Variants in TSNARE1 observed in about 807,000 individuals in gnomAD.
The protein encoded by TSNARE1 is t-SNARE domain-containing protein 1.
TSNARE1 carries 49 observed loss-of-function variants against 62.0 expected under a neutral mutation model. The observed-to-expected ratio is 0.79, with a 90% CI of 0.63 to 1.00. The LOEUF (loss-of-function observed/expected upper bound fraction) is 1.00. Among genes scored for constraint, TSNARE1 ranks in the 50% least tolerant of loss-of-function variants. The pLI is 0.00. For synonymous variants in TSNARE1, 328 were observed against 294.4 expected, an observed-to-expected ratio of 1.11 and a Z score of -1.17; for missense variants, 755 against 700.1, an observed-to-expected ratio of 1.08 and a Z score of -0.88.
chr8:142,298,458 G>A (rs1446247492), intron 10 of TSNARE1, among the ~76,000 whole-genome samples: 4 of 152,116 alleles, frequency 2.6e-5, no homozygotes, highest in Non-Finnish European at 4.4e-5. Context: ...GGACTCCCAG[G>A]CCAGGACAGT....
chr8:142,254,560 C>T (rs967718087), intron 12 of TSNARE1, among the ~76,000 whole-genome samples: 3 of 152,198 alleles, frequency 2.0e-5, no homozygotes, highest in African/African-American at 7.2e-5. Flanking sequence ...CTTCCCTGAG[C>T]GGCCCCTTCT....
intron 1 of TSNARE1, among the ~76,000 whole-genome samples, chr8:142,363,328 G>C (rs1388428897): frequency 1.3e-5 from 2 of 152,168 alleles, no homozygotes; most frequent in Non-Finnish European, 2.9e-5. Context: ...ATGTCATACA[G>C]ATCCATCACC....
chr8:142,261,109 CAGGGAAGGAGAGAGAG>C, intron 12 of TSNARE1, among the ~76,000 whole-genome samples: 1 of 15,356 alleles, frequency 6.5e-5, no homozygotes, highest in Non-Finnish European at 1.2e-4. Flanking sequence ...AGAGGGGGAG[CAGGGAAGGAGAGAGAG>C]AGGAGGGAGG....
intron 9 of TSNARE1, among the ~76,000 whole-genome samples, chr8:142,303,812 G>A (rs1231568197): frequency 2.0e-5 from 3 of 152,172 alleles, no homozygotes; most frequent in Non-Finnish European, 4.4e-5. Context: ...AGGACCAACA[G>A]CCACAGCAAC....
At chr8:142,234,474 T>C (rs1817299164) in intron 12 of TSNARE1, among the ~76,000 whole-genome samples, 1 of 151,566 alleles carries the variant, frequency 6.6e-6, no homozygotes, top group Non-Finnish European at 1.5e-5. Flanking sequence ...CAACCATGGG[T>C]TCAGGGAAAG....
At chr8:142,390,426 C>T (rs1236807630) in intron 1 of TSNARE1, among the ~76,000 whole-genome samples, 3 of 76,558 alleles carry the variant, frequency 3.9e-5, no homozygotes, top group South Asian at 6.5e-4. Flanking sequence ...CGGGGGACTC[C>T]GTAACAGAAG....
At chr8:142,383,628 G>C (rs1464723048) in intron 1 of TSNARE1, among the ~76,000 whole-genome samples, 1 of 152,198 alleles carries the variant, frequency 6.6e-6, no homozygotes, top group African/African-American at 2.4e-5. Flanking sequence ...GTCACGGCAG[G>C]GGGCAGGAGT....
chr8:142,222,745 C>T (rs1586765353), intron 13 of TSNARE1, among the ~76,000 whole-genome samples: 1 of 131,248 alleles, frequency 7.6e-6, no homozygotes, highest in Non-Finnish European at 1.6e-5. Context: ...CTCACTCACT[C>T]ACTCATCCAC....
chr8:142,248,980 A>T (rs1184071843), intron 12 of TSNARE1, among the ~76,000 whole-genome samples: 1 of 152,220 alleles, frequency 6.6e-6, no homozygotes, highest in Admixed American at 6.5e-5. Context: ...CTTTGGAGGT[A>T]GCCAGCCCTG....
chr8:142,368,372 T>C (rs887089182), intron 1 of TSNARE1, among the ~76,000 whole-genome samples: 12 of 152,088 alleles, frequency 7.9e-5, no homozygotes, highest in African/African-American at 2.7e-4. Context: ...ACTAGAGAAG[T>C]GAAATTTATA....
At chr8:142,317,137 T>G (rs1828652703) in intron 7 of TSNARE1, among the ~76,000 whole-genome samples, 1 of 151,136 alleles carries the variant, frequency 6.6e-6, no homozygotes, top group Non-Finnish European at 1.5e-5. Context: ...TGGCTCACAC[T>G]GTACGCATGA....
chr8:142,246,549 TA>T (rs1156860246), intron 12 of TSNARE1, among the ~76,000 whole-genome samples: 1 of 151,986 alleles, frequency 6.6e-6, no homozygotes, highest in African/African-American at 2.4e-5. Flanking sequence ...CTGGACTGCT[TA>T]AAAGGTTGGG....
chr8:142,221,835 A>T (rs201091116), intron 13 of TSNARE1, among the ~76,000 whole-genome samples: 718 of 11,748 alleles, frequency 0.061, 14 homozygotes, highest in Non-Finnish European at 0.069. Flanking sequence ...TCACTCACTC[A>T]TCCACTCATT....
At chr8:142,356,806 C>G (rs1306940585) in intron 1 of TSNARE1, among the ~76,000 whole-genome samples, 1 of 152,126 alleles carries the variant, frequency 6.6e-6, no homozygotes. Context: ...CCAAGGTCCC[C>G]CAGCTGCTAA....
At chr8:142,297,889 A>G (rs1394889103) in intron 10 of TSNARE1, among the ~76,000 whole-genome samples, 1 of 150,068 alleles carries the variant, frequency 6.7e-6, no homozygotes, top group African/African-American at 2.5e-5. Context: ...TCCAAGAACG[A>G]CTCCCACCCC....
At chr8:142,224,181 A>G (rs994640556) in intron 13 of TSNARE1, among the ~76,000 whole-genome samples, 7 of 152,164 alleles carry the variant, frequency 4.6e-5, no homozygotes, top group Non-Finnish European at 1.0e-4. Flanking sequence ...TTCTGGAAAC[A>G]CTGGCACAGG....
At chr8:142,258,447 G>A (rs1818698109) in intron 12 of TSNARE1, among the ~76,000 whole-genome samples, 7 of 148,814 alleles carry the variant, frequency 4.7e-5, no homozygotes, top group Admixed American at 4.7e-4. Context: ...CCTTCCCTCA[G>A]TTGGGACCCA....
chr8:142,354,796 G>T (rs1172781070), intron 1 of TSNARE1, 33 bp from the exon 2 acceptor site: 1 of 1,253,634 alleles, frequency 8.0e-7, no homozygotes, highest in African/African-American at 1.5e-5. Flanking sequence ...GGGGAAGAGG[G>T]GGAAGACATG....
At chr8:142,249,455 G>T (rs1818046875) in intron 12 of TSNARE1, among the ~76,000 whole-genome samples, 2 of 152,128 alleles carry the variant, frequency 1.3e-5, no homozygotes, top group South Asian at 2.1e-4. Context: ...GGAAAGGGGG[G>T]TTTGGGTGGC....
Sources: allele counts gnomAD v4.1 joint callset (sites outside exome capture counted in the v4.1 genomes callset), GRCh38; gene constraint gnomAD v4.1.1; transcripts MANE v1.5; gene names NCBI Gene and HGNC (gene_info 2026-07-23, HGNC 2026-07-21).